CSMD1: variants seen among roughly 807,000 people sequenced by gnomAD.
CSMD1 encodes the protein CUB and Sushi multiple domains 1.
A neutral mutation model predicts 417.5 loss-of-function variants in CSMD1; 213 were observed. The ratio of observed to expected loss-of-function variants is 0.51; its 90% CI spans 0.46 to 0.57. CSMD1 has a LOEUF of 0.57. CSMD1 is among the 20% of genes least tolerant of loss of function. The probability of loss-of-function intolerance (pLI) is 0.00; values close to 1 mark genes in which losing one functional copy is unlikely to be tolerated. For synonymous variants in CSMD1, 2,862 were observed against 1,736.8 expected (o/e 1.65, Z -16.11); for missense variants, 6,923 against 4,529.7 (o/e 1.53, Z -15.17).
intron 5 of CSMD1, among the ~76,000 whole-genome samples, chr8:3,799,549 T>C (rs1281945666): frequency 6.6e-6 from 1 of 151,784 alleles, no homozygotes; most frequent in African/African-American, 2.4e-5. Context: ...CTAAAATATG[T>C]GACTAATAAA....
intron 57 of CSMD1, among the ~76,000 whole-genome samples, chr8:2,971,840 T>C (rs952807410): frequency 2.6e-5 from 4 of 152,154 alleles, no homozygotes; most frequent in African/African-American, 9.7e-5. Context: ...TACTAATCAG[T>C]GGTATTTGAC....
At position 2,997,996 on chromosome 8, in the gene CSMD1, G is replaced by A. The variant is rs758824293; in HGVS notation, c.8377+15C>T. The A allele has an allele frequency of 2.6e-5, 42 of 1,610,274 alleles. No homozygotes were observed. Among genetic ancestry groups the A allele is most frequent in the African/African-American group, 1.3e-5 (1 of 74,880 alleles). On this transcript the variant is annotated intron_variant, in intron 54 of 69. Coordinates refer to ENST00000635120, the MANE Select transcript of CSMD1 (RefSeq NM_033225.6). ...CTCTCAGAGCAAAGGGCTCATTCCT[G>A]GATGCTGTTCCTACCTCGACACGTG...
intron 3 of CSMD1, among the ~76,000 whole-genome samples, chr8:4,044,638 C>A (rs971544595): frequency 5.9e-5 from 9 of 152,184 alleles, no homozygotes; most frequent in African/African-American, 2.2e-4. Flanking sequence ...AGACATAGCG[C>A]ACCCTGTACG....
intron 1 of CSMD1, among the ~76,000 whole-genome samples, chr8:4,943,685 C>T (rs752253278): frequency 7.2e-5 from 11 of 152,128 alleles, no homozygotes; most frequent in Admixed American, 6.6e-5. Context: ...GACTGAATCA[C>T]ATATCTGTTC....
chr8:3,966,693 T>A (rs1812695405), intron 5 of CSMD1, among the ~76,000 whole-genome samples: 1 of 152,064 alleles, frequency 6.6e-6, no homozygotes, highest in Non-Finnish European at 1.5e-5. Flanking sequence ...CACCACAGCG[T>A]ATGCCATGCC....
In CSMD1 at chr8:3,403,055, T is replaced by C. The variant is rs187216343; in HGVS notation, c.2266+2972A>G. Among the ~76,000 whole-genome samples the C allele has an allele frequency of 6.0e-4, 91 of 152,292 alleles. 1 individual carries two copies. The highest frequency in any genetic ancestry group is 4.2e-3 in the Admixed American group (64 of 15,288). ...AAAATTATAGTGGACTTTTTATGGA[T>C]AGACATTTGCTTGTAGTTCTATTTT... On this transcript the variant is annotated intron_variant, in intron 15 of 69. Coordinates refer to ENST00000635120, the MANE Select transcript of CSMD1 (RefSeq NM_033225.6).
At chr8:4,318,679 T>C (rs1481108584) in intron 3 of CSMD1, among the ~76,000 whole-genome samples, 2 of 149,870 alleles carry the variant, frequency 1.3e-5, no homozygotes, top group Admixed American at 6.8e-5. Context: ...ATCACTGATT[T>C]TTAACTCAAA....
intron 1 of CSMD1, among the ~76,000 whole-genome samples, chr8:4,973,741 T>G (rs995213633): frequency 6.6e-6 from 1 of 152,156 alleles, no homozygotes; most frequent in Non-Finnish European, 1.5e-5. Flanking sequence ...TGATGTGCAT[T>G]TATTTATTTT....
chr8:4,212,096 A>G (rs1194160002), intron 3 of CSMD1, among the ~76,000 whole-genome samples: 1 of 152,014 alleles, frequency 6.6e-6, no homozygotes, highest in African/African-American at 2.4e-5. Flanking sequence ...AACGGAACGT[A>G]AAAGTCATGA....
At chr8:3,866,857 T>C (rs1409426036) in intron 5 of CSMD1, among the ~76,000 whole-genome samples, 2 of 152,154 alleles carry the variant, frequency 1.3e-5, no homozygotes, top group Non-Finnish European at 1.5e-5. Flanking sequence ...ACCATGTTAC[T>C]AGGACTCCAG....
chr8:4,659,087 C>G (rs907218820), intron 1 of CSMD1, among the ~76,000 whole-genome samples: 1 of 151,876 alleles, frequency 6.6e-6, no homozygotes, highest in African/African-American at 2.4e-5. Flanking sequence ...CAAATACATA[C>G]AAATAAAATA....
At chr8:3,356,996 G>T (rs1337765704) in intron 21 of CSMD1, among the ~76,000 whole-genome samples, 3 of 152,108 alleles carry the variant, frequency 2.0e-5, no homozygotes, top group African/African-American at 7.2e-5. Flanking sequence ...GTGGGGTCTG[G>T]GGAGCCAGGG....
intron 3 of CSMD1, among the ~76,000 whole-genome samples, chr8:4,366,674 T>C (rs1012147115): frequency 6.6e-6 from 1 of 152,156 alleles, no homozygotes; most frequent in African/African-American, 2.4e-5. Context: ...ATGTCTCTAA[T>C]AGTTACTGAT....
At chr8:3,214,988 T>G (rs1388968786) in intron 29 of CSMD1, among the ~76,000 whole-genome samples, 1 of 152,232 alleles carries the variant, frequency 6.6e-6, no homozygotes, top group African/African-American at 2.4e-5. Flanking sequence ...TACGTTTTTA[T>G]ATATTTATCC....
At chr8:4,695,335 A>C (rs1336168298) in intron 1 of CSMD1, among the ~76,000 whole-genome samples, 2 of 152,062 alleles carry the variant, frequency 1.3e-5, no homozygotes, top group Non-Finnish European at 2.9e-5. Flanking sequence ...CATTCAGCCT[A>C]CATCCATGCT....
At chr8:3,801,930 G>C (rs557389071) in intron 5 of CSMD1, among the ~76,000 whole-genome samples, 1 of 152,222 alleles carries the variant, frequency 6.6e-6, no homozygotes, top group East Asian at 1.9e-4. Flanking sequence ...AGGGTGGGGA[G>C]TCAGGGTAGA....
chr8:4,735,757 C>T (rs1157039003), intron 1 of CSMD1, among the ~76,000 whole-genome samples: 1 of 152,056 alleles, frequency 6.6e-6, no homozygotes, highest in Non-Finnish European at 1.5e-5. Flanking sequence ...GTTAGTCTTC[C>T]TAGTTGTCAG....
intron 3 of CSMD1, among the ~76,000 whole-genome samples, chr8:4,160,890 T>C (rs927474468): frequency 1.3e-5 from 2 of 152,220 alleles, no homozygotes; most frequent in Non-Finnish European, 2.9e-5. Context: ...CATACTGCTG[T>C]TGTTCTCTGC....
At chr8:3,179,914 C>A (rs1821209930) in intron 37 of CSMD1, among the ~76,000 whole-genome samples, 1 of 152,116 alleles carries the variant, frequency 6.6e-6, no homozygotes, top group Admixed American at 6.5e-5. Context: ...GAAAATTTAA[C>A]CAGAATGTGA....
Sources: gnomAD v4.1 joint callset for allele counts (sites outside exome capture counted in the v4.1 genomes callset) on GRCh38, gnomAD v4.1.1 for gene constraint, MANE v1.5 for transcripts, NCBI Gene and HGNC (gene_info 2026-07-23, HGNC 2026-07-21) for gene names.